NDC1: variants seen among roughly 807,000 people sequenced by gnomAD.
NDC1 encodes nucleoporin NDC1.
In NDC1, 24 loss-of-function variants were observed where a neutral mutation model predicts 89.8. That is an observed-to-expected ratio of 0.27 (90% CI 0.19 to 0.38). NDC1 has a LOEUF of 0.38. Ranked by LOEUF, NDC1 falls within the 10% of genes least tolerant of loss-of-function variation. The pLI is 1.00. For synonymous variants in NDC1, 296 were observed against 284.8 expected (o/e 1.04, Z -0.39); for missense variants, 728 against 797.6 (o/e 0.91, Z 1.05).
rs982301432 is a variant in NDC1 at position 53,766,924 on chromosome 1, C to T, written c.*1046G>A. 1.6e-4 allele frequency: 24 copies of T among 152,198 alleles called. 1 individual carries two copies. The highest frequency in any genetic ancestry group is 1.6e-3 in the Admixed American group (24 of 15,270). 9.4% of individuals were successfully genotyped at this position (152,198 alleles called of 1,614,324 possible). The stretch of plus-strand genomic sequence containing the variant: ...CAATACTTCGTTCACATTTGGGACA[C>T]ACAACATACTTCCAAGTACAGTAAT... On this transcript the variant is annotated 3_prime_UTR_variant, in exon 18 of 18. Transcript: ENST00000371429.
chr1:53,809,453 G>A (rs991187731), intron 7 of NDC1, among the ~76,000 whole-genome samples: 1 of 152,118 alleles, frequency 6.6e-6, no homozygotes, highest in Non-Finnish European at 1.5e-5. Context: ...CTGGGCTCAA[G>A]CGATCCTCCT....
chr1:53,796,844 T>A lies in NDC1; in HGVS notation c.1469-40A>T, dbSNP rs74978378. On this transcript the variant is annotated intron_variant, in intron 12 of 17. Coordinates refer to ENST00000371429, the MANE Select transcript of NDC1 (RefSeq NM_018087.5). ...GAAAAGGCAAGATAAGAACTTAGGCTGTCTGATCCTCTGCAACATGACATT... is the reference window on the plus strand; with the variant it reads ...GAAAAGGCAAGATAAGAACTTAGGCAGTCTGATCCTCTGCAACATGACATT... The A allele has an allele frequency of 8.1e-6, 13 of 1,603,244 alleles. 1 individual carries two copies. The Admixed American group carries it at 1.7e-4, about 22-fold the overall frequency.
At chr1:53,813,188 A>C (rs1300623939) in intron 6 of NDC1, among the ~76,000 whole-genome samples, 2 of 152,216 alleles carry the variant, frequency 1.3e-5, no homozygotes, top group Admixed American at 6.5e-5. Flanking sequence ...CCTATAAAAC[A>C]AAAATACATG....
intron 2 of NDC1, among the ~76,000 whole-genome samples, chr1:53,834,458 T>G (rs1417506425): frequency 6.6e-6 from 1 of 152,188 alleles, no homozygotes; most frequent in Non-Finnish European, 1.5e-5. Flanking sequence ...TTAACACCAA[T>G]ATCTCCAAAG....
intron 6 of NDC1, among the ~76,000 whole-genome samples, chr1:53,812,561 GA>G (rs1009446771): frequency 2.0e-5 from 3 of 151,538 alleles, no homozygotes; most frequent in Non-Finnish European, 2.9e-5. Context: ...CAAAGACAAA[GA>G]AAAAAAAGGA....
intron 3 of NDC1, among the ~76,000 whole-genome samples, chr1:53,829,192 A>G (rs1648972945): frequency 6.6e-6 from 1 of 152,102 alleles, no homozygotes; most frequent in Non-Finnish European, 1.5e-5. Context: ...TACTATACTC[A>G]AAGTAAAGAG....
At chr1:53,776,025 G>A (rs1208491140) in intron 16 of NDC1, among the ~76,000 whole-genome samples, 1 of 149,694 alleles carries the variant, frequency 6.7e-6, no homozygotes, top group East Asian at 2.0e-4. Flanking sequence ...CACGATCTCA[G>A]CACACTGCAA....
At chr1:53,829,775 G>T (rs1648990326) in intron 3 of NDC1, among the ~76,000 whole-genome samples, 1 of 152,250 alleles carries the variant, frequency 6.6e-6, no homozygotes, top group Admixed American at 6.5e-5. Flanking sequence ...GAGTATGAAA[G>T]AACACTCTGT....
intron 3 of NDC1, among the ~76,000 whole-genome samples, chr1:53,831,488 C>T (rs1014289522): frequency 6.6e-6 from 1 of 151,756 alleles, no homozygotes; most frequent in African/African-American, 2.4e-5. Context: ...TCCTGGCCAA[C>T]ATGGTGAAAC....
chr1:53,796,967 G>A lies in NDC1; in HGVS notation c.1400C>T (p.Thr467Ile). 1 of 1,614,162 alleles carries A rather than the reference G, an allele frequency of 6.2e-7. No homozygotes were observed. Among genetic ancestry groups the A allele is most frequent in the Non-Finnish European group, 8.5e-7 (1 of 1,180,012 alleles). The change falls in exon 12 of 18, where the codon ACC (threonine) becomes ATC (isoleucine). Residue 467 changes from threonine to isoleucine, a missense_variant. Physicochemically the swap from Thr to Ile is moderately conservative, Grantham distance 89. Transcript: ENST00000371429. ...NRMAGIFDVNTCYGSPQSPQL... is the reference protein window; with the variant it reads ...NRMAGIFDVNICYGSPQSPQL... ...AGGACTTTGCGGTGACCCATAGCAG[G>A]TGTTTACATCAAAAATTCCAGCCAT...
chr1:53,777,611 A>G (rs1314902784), intron 16 of NDC1, among the ~76,000 whole-genome samples: 1 of 152,210 alleles, frequency 6.6e-6, no homozygotes. Context: ...GACCTCAGCA[A>G]GTAAGAGTAT....
At chr1:53,803,865 C>T in intron 10 of NDC1, 63 bp downstream of exon 10, 2 of 1,300,212 alleles carry the variant, frequency 1.5e-6, no homozygotes, top group South Asian at 2.4e-5. Flanking sequence ...GCCACCATGC[C>T]TGGCCAAGTG....
intron 1 of NDC1, among the ~76,000 whole-genome samples, chr1:53,836,045 G>C (rs1649221753): frequency 6.6e-6 from 1 of 152,174 alleles, no homozygotes. Context: ...TTCTATTCAT[G>C]TTTGAATTGC....
chr1:53,802,114 A>C (rs943940625), intron 10 of NDC1, among the ~76,000 whole-genome samples: 15 of 152,164 alleles, frequency 9.9e-5, no homozygotes, highest in African/African-American at 3.6e-4. Flanking sequence ...GTTTACTTGA[A>C]TATCTGGTAA....
In NDC1 at chr1:53,825,938, T is replaced by A; in HGVS notation, c.456-2A>T. 1 of 1,610,126 alleles carries A rather than the reference T, an allele frequency of 6.2e-7. No homozygotes were observed. The highest frequency in any genetic ancestry group is 1.1e-5 in the South Asian group (1 of 89,842). On this transcript the variant is annotated splice_acceptor_variant, in intron 4 of 17. Coordinates refer to ENST00000371429, the MANE Select transcript of NDC1 (RefSeq NM_018087.5). LOFTEE classifies it high-confidence loss of function. ...GTTTGCGCAGCAGGGCTACCAAAGC[T>A]GAAGGGAAAAAATTAAGTTATTAAT...
chr1:53,833,735 T>G (rs975761876), intron 2 of NDC1, among the ~76,000 whole-genome samples: 1 of 152,060 alleles, frequency 6.6e-6, no homozygotes, highest in Non-Finnish European at 1.5e-5. Flanking sequence ...ATATATATAA[T>G]GCCTAAAAAT....
intron 16 of NDC1, among the ~76,000 whole-genome samples, chr1:53,780,010 G>T (rs993313635): frequency 1.3e-5 from 2 of 151,892 alleles, no homozygotes; most frequent in Non-Finnish European, 2.9e-5. Flanking sequence ...TCCCCTACTT[G>T]CAAGACTAGC....
chr1:53,797,827 A>C (rs962300980), intron 11 of NDC1, among the ~76,000 whole-genome samples: 1 of 151,966 alleles, frequency 6.6e-6, no homozygotes, highest in Non-Finnish European at 1.5e-5. Context: ...CAGATTCGCC[A>C]TGTTTCCCAG....
At chr1:53,811,750 T>C (rs777541377) in intron 6 of NDC1, among the ~76,000 whole-genome samples, 21 of 149,560 alleles carry the variant, frequency 1.4e-4, no homozygotes, top group Non-Finnish European at 2.2e-4. Flanking sequence ...TCCACACTAC[T>C]ACAGCTGAGG....
Sources: allele counts gnomAD v4.1 joint callset (sites outside exome capture counted in the v4.1 genomes callset), GRCh38; gene constraint gnomAD v4.1.1; transcripts MANE v1.5; gene names NCBI Gene and HGNC (gene_info 2026-07-23, HGNC 2026-07-21).